The following FAM78B variants were observed in gnomAD, a reference collection of about 807,000 sequenced individuals.
FAM78B encodes the protein family with sequence similarity 78 member B.
In FAM78B, 10 loss-of-function variants were observed where a neutral mutation model predicts 20.0. The ratio of observed to expected loss-of-function variants is 0.50; its 90% CI spans 0.31 to 0.85. The LOEUF is 0.85. Among genes scored for constraint, FAM78B ranks in the 40% least tolerant of loss-of-function variants. The pLI is 0.05. For synonymous variants in FAM78B, 135 were observed against 132.8 expected, an observed-to-expected ratio of 1.02 and a Z score of -0.12; for missense variants, 283 against 345.0, an observed-to-expected ratio of 0.82 and a Z score of 1.42.
intron 1 of FAM78B, among the ~76,000 whole-genome samples, chr1:166,093,308 A>C (rs1360096157): frequency 6.6e-6 from 1 of 152,166 alleles, no homozygotes; most frequent in Non-Finnish European, 1.5e-5. Context: ...AGGTGTGAAC[A>C]ATGGTTGTAA....
intron 1 of FAM78B, among the ~76,000 whole-genome samples, chr1:166,157,467 C>A (rs966730664): frequency 1.3e-5 from 2 of 151,736 alleles, no homozygotes; most frequent in Non-Finnish European, 2.9e-5. Context: ...TGGAACCCTG[C>A]GCTGGGGAAC....
chr1:166,166,392 G>T lies in FAM78B; in HGVS notation c.-144C>A. 1.5e-6 allele frequency: 1 copy of T among 685,124 alleles called. No individual in the cohort carries two copies. 42.4% of individuals were successfully genotyped at this position (685,124 alleles called of 1,614,324 possible). A position where few individuals can be genotyped will look rare whatever the true frequency, so the allele number is the denominator to read the frequency against. ...TCGCACCTAGGAGCGGGGAGCCGCC[G>T]GGCATCCTTGGGGAAGCCCCCTCCT... is the stretch of plus-strand genomic sequence containing the variant. On this transcript the variant is annotated 5_prime_UTR_variant, in exon 1 of 2. Transcript: ENST00000354422.
downstream of FAM78B, among the ~76,000 whole-genome samples, chr1:166,056,817 GGA>G (rs1202001551): frequency 1.3e-5 from 2 of 152,286 alleles, no homozygotes; most frequent in African/African-American, 4.8e-5. Flanking sequence ...TCATAGATGA[GGA>G]GAGTGCTATG....
chr1:166,146,047 G>C (rs151093388), intron 1 of FAM78B, among the ~76,000 whole-genome samples: 2 of 152,160 alleles, frequency 1.3e-5, no homozygotes, highest in African/African-American at 4.8e-5. Flanking sequence ...CTACTGTGAG[G>C]AGCAAAAGAA....
At chr1:166,080,844 A>G (rs1280887209) in intron 1 of FAM78B, among the ~76,000 whole-genome samples, 1 of 152,212 alleles carries the variant, frequency 6.6e-6, no homozygotes, top group Non-Finnish European at 1.5e-5. Flanking sequence ...TGGGACAGTG[A>G]AGAGAGAGGA....
At chr1:166,129,049 C>A (rs905059477) in intron 1 of FAM78B, among the ~76,000 whole-genome samples, 2 of 152,064 alleles carry the variant, frequency 1.3e-5, no homozygotes, top group African/African-American at 4.8e-5. Context: ...TTGAGTTGTC[C>A]CTGAGAACAT....
At chr1:166,084,938 G>A (rs77951033) in intron 1 of FAM78B, among the ~76,000 whole-genome samples, 1,707 of 152,344 alleles carry the variant, frequency 0.011, 16 homozygotes, top group Non-Finnish European at 0.015. Flanking sequence ...CCTTAACACC[G>A]TGAACACCTA....
intron 1 of FAM78B, among the ~76,000 whole-genome samples, chr1:166,078,459 C>T (rs1407444563): frequency 6.6e-6 from 1 of 152,226 alleles, no homozygotes; most frequent in African/African-American, 2.4e-5. Context: ...TGCCAATGGG[C>T]CTAATAATGA....
chr1:166,059,682 C>T (rs1273978551), exon 3 of FAM78B: 1 of 152,200 alleles, frequency 6.6e-6, no homozygotes, highest in Non-Finnish European at 1.5e-5. Context: ...AGGCCGGATT[C>T]TGAGGGCTAT....
chr1:166,109,838 A>ATGTG (rs201240807), intron 1 of FAM78B, among the ~76,000 whole-genome samples: 1 of 21,186 alleles, frequency 4.7e-5, no homozygotes, highest in Non-Finnish European at 9.2e-5. Flanking sequence ...ATATGTATAT[A>ATGTG]TGTATATATA....
downstream of FAM78B, among the ~76,000 whole-genome samples, chr1:166,056,839 T>C (rs1296723321): frequency 3.3e-5 from 5 of 152,212 alleles, no homozygotes. Flanking sequence ...GTTCCAATAT[T>C]TGTATCCCCC....
intron 1 of FAM78B, among the ~76,000 whole-genome samples, chr1:166,083,863 G>A (rs563120412): frequency 4.1e-5 from 6 of 146,794 alleles, no homozygotes; most frequent in African/African-American, 1.5e-4. Flanking sequence ...TCATGCCTGC[G>A]TGGCACATAA....
chr1:166,062,279 C>A (rs1651628117), intron 2 of FAM78B, among the ~76,000 whole-genome samples: 1 of 152,154 alleles, frequency 6.6e-6, no homozygotes, highest in African/African-American at 2.4e-5. Flanking sequence ...GTCTTCTGGT[C>A]CATGAGACCA....
intron 1 of FAM78B, among the ~76,000 whole-genome samples, chr1:166,121,409 A>G (rs901664570): frequency 6.6e-6 from 1 of 152,194 alleles, no homozygotes; most frequent in Admixed American, 6.5e-5. Flanking sequence ...AAGTGTCCAC[A>G]CAGGTTCTGG....
intron 1 of FAM78B, among the ~76,000 whole-genome samples, chr1:166,072,234 G>C (rs925697399): frequency 6.6e-6 from 1 of 152,116 alleles, no homozygotes; most frequent in Non-Finnish European, 1.5e-5. Flanking sequence ...ACTAACCACT[G>C]CCTCCTACTG....
chr1:166,109,536 A>C (rs1476161631), intron 1 of FAM78B, among the ~76,000 whole-genome samples: 3 of 151,816 alleles, frequency 2.0e-5, no homozygotes, highest in African/African-American at 7.3e-5. Context: ...TGCGGTGAAC[A>C]GAGAACACTT....
intron 1 of FAM78B, among the ~76,000 whole-genome samples, chr1:166,097,270 G>A (rs1260310580): frequency 2.0e-5 from 3 of 152,194 alleles, no homozygotes; most frequent in Admixed American, 6.5e-5. Context: ...GGGATCCAAC[G>A]GGAGAGGAGC....
intron 1 of FAM78B, among the ~76,000 whole-genome samples, chr1:166,106,513 A>C (rs191353591): frequency 6.6e-6 from 1 of 152,312 alleles, no homozygotes; most frequent in African/African-American, 2.4e-5. Flanking sequence ...GAATGAAATC[A>C]TGTCCATTGC....
chr1:166,159,392 C>T (rs1179787572), intron 1 of FAM78B, among the ~76,000 whole-genome samples: 2 of 152,096 alleles, frequency 1.3e-5, no homozygotes, highest in African/African-American at 4.8e-5. Context: ...GTACCTAGTT[C>T]CCAAGAACCA....
Sources: allele counts gnomAD v4.1 joint callset (sites outside exome capture counted in the v4.1 genomes callset), GRCh38; gene constraint gnomAD v4.1.1; transcripts MANE v1.5; gene names NCBI Gene and HGNC (gene_info 2026-07-23, HGNC 2026-07-21).